YEATS4: variants seen among roughly 807,000 people sequenced by gnomAD.
YEATS4 encodes YEATS domain-containing protein 4.
YEATS4 carries 17 observed loss-of-function variants against 30.1 expected under a neutral mutation model. The observed-to-expected ratio is 0.56, with a 90% confidence interval of 0.39 to 0.85. The LOEUF (loss-of-function observed/expected upper bound fraction) is 0.85. Among genes scored for constraint, YEATS4 ranks in the 40% least tolerant of loss-of-function variants. The pLI, the probability that YEATS4 is intolerant of heterozygous loss-of-function variation, is 0.00. For synonymous variants in YEATS4, 85 were observed against 87.5 expected, an observed-to-expected ratio of 0.97 and a Z score of 0.16; for missense variants, 142 against 268.3, an observed-to-expected ratio of 0.53 and a Z score of 3.29.
At chr12:69,411,169 G>A in the YEATS4 span, among the ~76,000 whole-genome samples, 5 of 152,158 alleles carry the variant, frequency 3.3e-5, no homozygotes, top group South Asian at 4.1e-4. Flanking sequence ...TCACTGTGTC[G>A]CCCAATCTGA....
Position 69,360,098 on chromosome 12 carries a change from C to A in YEATS4, c.51+75C>A, listed in dbSNP as rs111302834. The A allele has an allele frequency of 2.5e-4, 383 of 1,522,596 alleles. 1 individual carries two copies. In the African/African-American group the frequency reaches 5.0e-3, roughly 20 times the overall value. 94.3% of individuals were successfully genotyped at this position (1,522,596 alleles called of 1,614,324 possible). Reference sequence around the variant, plus strand: ...CCTCCCTGCGCGGCGCGGGGAGGGCCCACTGGGTTTCCTTTCGCGCCTTTT... The same window carrying A: ...CCTCCCTGCGCGGCGCGGGGAGGGCACACTGGGTTTCCTTTCGCGCCTTTT... On this transcript the variant is annotated intron_variant, in intron 1 of 6. Coordinates refer to ENST00000247843, the MANE Select transcript of YEATS4 (RefSeq NM_006530.4).
At chr12:69,378,271 CCTGGAGG>C (rs1320160147) in intron 6 of YEATS4, among the ~76,000 whole-genome samples, 3 of 152,084 alleles carry the variant, frequency 2.0e-5, no homozygotes, top group African/African-American at 7.2e-5. Context: ...AAGTGTGTTT[CCTGGAGG>C]CAGTACATCA....
chr12:69,374,908 G>A (rs866534956), intron 6 of YEATS4, among the ~76,000 whole-genome samples: 6 of 152,156 alleles, frequency 3.9e-5, no homozygotes, highest in South Asian at 2.1e-4. Context: ...CCTCCCAGAC[G>A]GGGTGGCGGC....
At chr12:69,401,276 A>T in the YEATS4 span, 1 of 152,202 alleles carries the variant, frequency 6.6e-6, no homozygotes, top group Admixed American at 6.5e-5. Flanking sequence ...ATGTGTAAGG[A>T]TGTTCATTGC....
intron 6 of YEATS4, among the ~76,000 whole-genome samples, chr12:69,379,375 T>C (rs1459393195): frequency 1.3e-5 from 2 of 151,970 alleles, no homozygotes; most frequent in African/African-American, 4.8e-5. Context: ...CTCTATCTCC[T>C]CTTTAATTAA....
At chr12:69,406,170 T>A in the YEATS4 span, among the ~76,000 whole-genome samples, 1 of 152,224 alleles carries the variant, frequency 6.6e-6, no homozygotes, top group African/African-American at 2.4e-5. Context: ...AAGGAGAGTA[T>A]GCATCTTAAA....
At chr12:69,416,359 A>G in the YEATS4 span, among the ~76,000 whole-genome samples, 21 of 152,234 alleles carry the variant, frequency 1.4e-4, no homozygotes, top group South Asian at 1.2e-3. Context: ...AATTCTATGC[A>G]ATTTACAGTC....
At chr12:69,402,151 G>A in the YEATS4 span, among the ~76,000 whole-genome samples, 2 of 152,126 alleles carry the variant, frequency 1.3e-5, no homozygotes, top group Non-Finnish European at 2.9e-5. Flanking sequence ...GCCCGTCCTG[G>A]AACTATTCCA....
At position 69,360,023 on chromosome 12, in the gene YEATS4, G is replaced by C; in HGVS notation, c.51G>C (p.Lys17Asn). Residue 17 changes from lysine to asparagine, a missense_variant and splice_region_variant, in exon 1 of 7, where the codon AAG becomes AAC. By Grantham distance (94) the Lys-to-Asn change is moderately conservative (BLOSUM62 0). This residue lies in a region of YEATS4 where 25 missense variants were observed against 35.7 expected (regional missense o/e 0.70). Coordinates refer to ENST00000247843, the MANE Select transcript of YEATS4 (RefSeq NM_006530.4). Reference sequence around the variant, plus strand: ...GGCCTGACTCCGGCGGGAGAGTAAAGGTCAGTGCCCGGACCGCCCCTCTTC... The same window carrying C: ...GGCCTGACTCCGGCGGGAGAGTAAACGTCAGTGCCCGGACCGCCCCTCTTC... ...EFGPDSGGRV[K>N]GVTIVKPIVY... The C allele has an allele frequency of 6.2e-7, 1 of 1,613,462 alleles. No individual in the cohort carries two copies. Among genetic ancestry groups the C allele is most frequent in the Non-Finnish European group, 8.5e-7 (1 of 1,179,776 alleles).
intron 6 of YEATS4, among the ~76,000 whole-genome samples, chr12:69,388,765 G>T (rs935150417): frequency 6.6e-6 from 1 of 152,124 alleles, no homozygotes; most frequent in Non-Finnish European, 1.5e-5. Flanking sequence ...TCTGTACCAG[G>T]CAGTATTCTG....
chr12:69,409,466 A>C, the YEATS4 span, among the ~76,000 whole-genome samples: 1 of 152,002 alleles, frequency 6.6e-6, no homozygotes, highest in East Asian at 1.9e-4. Context: ...AAAATACAAA[A>C]ATTAGCCAGC....
intron 2 of YEATS4, among the ~76,000 whole-genome samples, chr12:69,363,288 C>T (rs371590444): frequency 2.0e-4 from 30 of 151,908 alleles, no homozygotes; most frequent in South Asian, 1.2e-3. Flanking sequence ...CCACCGCGCC[C>T]GGCCGACAAC....
chr12:69,366,539 A>G (rs1015667973), intron 4 of YEATS4, among the ~76,000 whole-genome samples: 2 of 152,202 alleles, frequency 1.3e-5, no homozygotes, highest in African/African-American at 2.4e-5. Flanking sequence ...TTGAACCCAG[A>G]TATTTGCATT....
chr12:69,405,916 T>G, the YEATS4 span, among the ~76,000 whole-genome samples: 2 of 152,162 alleles, frequency 1.3e-5, no homozygotes, highest in African/African-American at 4.8e-5. Context: ...CTGATATGAG[T>G]TTTGTGTTCC....
chr12:69,411,601 A>G, the YEATS4 span, among the ~76,000 whole-genome samples: 1 of 152,212 alleles, frequency 6.6e-6, no homozygotes, highest in Admixed American at 6.5e-5. Context: ...GAAAAAGAAA[A>G]TTTGAACAGG....
At chr12:69,362,708 A>G in intron 1 of YEATS4, 80 bp from the exon 2 acceptor site, 2 of 1,113,798 alleles carry the variant, frequency 1.8e-6, no homozygotes, top group East Asian at 3.0e-5. Flanking sequence ...CATTCTTTAA[A>G]GCAAGTTTTC....
chr12:69,390,160 A>G lies in YEATS4; in HGVS notation c.528A>G (p.Glu176=), dbSNP rs767420839. The G allele has an allele frequency of 5.7e-6, 9 of 1,583,884 alleles. No individual in the cohort carries two copies. In the South Asian group the frequency reaches 8.3e-5, roughly 15 times the overall value. Residue 176 remains glutamate, a synonymous_variant, in exon 7 of 7, where the codon GAA becomes GAG. Transcript: ENST00000247843. The part of the protein sequence containing the change: ...YKHETEFAEL[E]VKTREKLEAA... ...TGTTTTCTTTAGTTGCAGAGCTTGA[A>G]GTGAAAACCAGAGAAAAATTAGAAG...
intron 1 of YEATS4, among the ~76,000 whole-genome samples, chr12:69,362,400 A>G (rs1875257571): frequency 6.6e-6 from 1 of 152,208 alleles, no homozygotes; most frequent in African/African-American, 2.4e-5. Flanking sequence ...TAATATTTAT[A>G]CTATACTTTG....
the YEATS4 span, among the ~76,000 whole-genome samples, chr12:69,404,719 A>G: frequency 6.6e-6 from 1 of 152,194 alleles, no homozygotes; most frequent in Non-Finnish European, 1.5e-5. Context: ...TAAGACACCC[A>G]TGTTGTCAAT....
Sources: gnomAD v4.1 joint callset for allele counts (sites outside exome capture counted in the v4.1 genomes callset) on GRCh38, gnomAD v4.1.1 for gene constraint, gnomAD v4.1.1 regional missense constraint, MANE v1.5 for transcripts, NCBI Gene and HGNC (gene_info 2026-07-23, HGNC 2026-07-21) for gene names.